EML6: variants seen among roughly 807,000 people sequenced by gnomAD.
EML6 encodes the protein echinoderm microtubule-associated protein-like 6.
EML6 carries 154 observed loss-of-function variants against 240.1 expected under a neutral mutation model. That is an observed-to-expected ratio of 0.64 (90% CI 0.56 to 0.73). EML6 has a LOEUF of 0.73. EML6 is among the 30% of genes least tolerant of loss of function. EML6 has a pLI of 0.00. For missense variants in EML6, 2,964 were observed against 2,474.6 expected (o/e 1.20, Z -4.20); for synonymous variants, 1,148 against 899.0 (o/e 1.28, Z -4.95).
intron 2 of EML6, among the ~76,000 whole-genome samples, chr2:54,740,846 G>T (rs1364016117): frequency 1.3e-5 from 2 of 152,048 alleles, no homozygotes; most frequent in Non-Finnish European, 2.9e-5. Context: ...TATGTGAGGG[G>T]TTGGCCTACT....
At chr2:54,871,712 C>A (rs1184301279) in intron 16 of EML6, 107 bp downstream of exon 16, 6 of 786,954 alleles carry the variant, frequency 7.6e-6, no homozygotes, top group Non-Finnish European at 1.1e-5. Context: ...TTTAAACATG[C>A]TCCCACTTAG....
intron 5 of EML6, among the ~76,000 whole-genome samples, chr2:54,823,886 C>CTCTG (rs1343503884): frequency 6.6e-6 from 1 of 150,908 alleles, no homozygotes; most frequent in Admixed American, 6.6e-5. Context: ...CTTTCTGTCT[C>CTCTG]TCTCTCTCTC....
chr2:54,797,164 C>CAAAAAAAAAAAAAA (rs773498648), intron 2 of EML6, among the ~76,000 whole-genome samples: 7 of 43,830 alleles, frequency 1.6e-4, no homozygotes, highest in Non-Finnish European at 2.0e-4. Flanking sequence ...GACTCCATCT[C>CAAAAAAAAAAAAAA]AAAAAAAAAA....
At chr2:54,954,213 C>A in intron 32 of EML6, 57 bp downstream of exon 32, 1 of 1,481,734 alleles carries the variant, frequency 6.7e-7, no homozygotes, top group South Asian at 1.3e-5. Flanking sequence ...GGTGTCGAGC[C>A]TGTGGGCTCG....
chr2:54,951,347 A>T (rs1340196390), intron 30 of EML6, among the ~76,000 whole-genome samples: 1 of 152,188 alleles, frequency 6.6e-6, no homozygotes, highest in Non-Finnish European at 1.5e-5. Flanking sequence ...AGCCCGGTCA[A>T]CATAGAGAAA....
At chr2:54,744,503 A>G (rs746215523) in intron 2 of EML6, among the ~76,000 whole-genome samples, 3 of 152,114 alleles carry the variant, frequency 2.0e-5, no homozygotes, top group Admixed American at 1.3e-4. Flanking sequence ...GGACTTATAA[A>G]AAAGTAGCAT....
chr2:54,806,785 A>C (rs1670518098), intron 2 of EML6, among the ~76,000 whole-genome samples: 1 of 152,146 alleles, frequency 6.6e-6, no homozygotes. Flanking sequence ...TTAAGTACTC[A>C]TAGTACCTAC....
rs188243943 is a variant in EML6, at chr2:54,819,601, C to T, written c.457-793C>T. The stretch of plus-strand genomic sequence containing the variant: ...GACCAGCCTGACCAACATGGTGAAA[C>T]CCCGTCTCTACTAAAAATAGAAAAA... On this transcript the variant is annotated intron_variant, in intron 4 of 41. Transcript: ENST00000356458. 7.9e-5 allele frequency among the ~76,000 whole-genome samples: 12 copies of T among 152,040 alleles called. No homozygotes were observed. The East Asian group carries it at 2.1e-3, about 27-fold the overall frequency.
At chr2:54,946,966 C>T (rs1465140177) in intron 28 of EML6, among the ~76,000 whole-genome samples, 4 of 151,116 alleles carry the variant, frequency 2.6e-5, no homozygotes, top group African/African-American at 4.9e-5. Flanking sequence ...TATATATATA[C>T]AATCTCCTGT....
chr2:54,930,606 C>G (rs1674803818), intron 28 of EML6, among the ~76,000 whole-genome samples: 1 of 151,762 alleles, frequency 6.6e-6, no homozygotes, highest in Admixed American at 6.6e-5. Flanking sequence ...TAAAAAAATT[C>G]ACACCAGGAT....
chr2:54,899,753 G>A lies in EML6; in HGVS notation c.3095G>A (p.Arg1032His), dbSNP rs761285924. The stretch of plus-strand genomic sequence containing the variant: ...ATCTGGGAACTATCTGCCCAGCACC[G>A]TATGCTGGCAGTACGGAAACTCAAA... ...LRIWELSAQH[R>H]MLAVRKLKKG... The change falls in exon 22 of 42, where the codon CGT becomes CAT. Residue 1032 changes from arginine to histidine, a missense_variant. Physicochemically the swap from Arg to His is conservative, Grantham distance 29 (BLOSUM62 0). Coordinates refer to ENST00000356458, the MANE Select transcript of EML6 (RefSeq NM_001039753.4). The A allele has an allele frequency of 1.2e-5, 18 of 1,551,088 alleles. No homozygotes were observed. The highest frequency in any genetic ancestry group is 2.4e-5 in the East Asian group (1 of 40,908).
chr2:54,888,976 C>G (rs1672309036), intron 17 of EML6, among the ~76,000 whole-genome samples: 1 of 152,216 alleles, frequency 6.6e-6, no homozygotes, highest in Admixed American at 6.5e-5. Flanking sequence ...TGCATTCCCA[C>G]CAGCAATTAA....
At chr2:54,817,809 A>AG (rs1243510416) in intron 4 of EML6, among the ~76,000 whole-genome samples, 3 of 152,066 alleles carry the variant, frequency 2.0e-5, no homozygotes, top group African/African-American at 7.3e-5. Flanking sequence ...AACTCTTAAA[A>AG]AAAAAAAAGT....
chr2:54,896,521 G>A (rs1672776511), intron 21 of EML6, among the ~76,000 whole-genome samples: 1 of 152,190 alleles, frequency 6.6e-6, no homozygotes, highest in South Asian at 2.1e-4. Flanking sequence ...AGGTGCGTTA[G>A]GTAGTCCTGC....
intron 11 of EML6, among the ~76,000 whole-genome samples, chr2:54,857,263 T>C (rs555564790): frequency 2.6e-5 from 4 of 152,096 alleles, no homozygotes; most frequent in Non-Finnish European, 5.9e-5. Flanking sequence ...AGATGTGCAC[T>C]TGGCAGTCAC....
At chr2:54,787,736 C>T (rs1669167306) in intron 2 of EML6, among the ~76,000 whole-genome samples, 1 of 152,144 alleles carries the variant, frequency 6.6e-6, no homozygotes, top group Admixed American at 6.5e-5. Context: ...TCCTTAAGAT[C>T]TCAAATCAGA....
chr2:54,734,871 C>T (rs1683325476), intron 2 of EML6, among the ~76,000 whole-genome samples: 1 of 152,242 alleles, frequency 6.6e-6, no homozygotes, highest in South Asian at 2.1e-4. Context: ...TTGCTTAAGG[C>T]TCCTTATTGC....
Position 54,806,334 on chromosome 2 carries a change from C to T in EML6, c.198-6898C>T, listed in dbSNP as rs117784994. Among the ~76,000 whole-genome samples the T allele has an allele frequency of 2.6e-4, 40 of 152,002 alleles. No homozygotes were observed. In the East Asian group the frequency reaches 5.4e-3, roughly 21 times the overall value. On this transcript the variant is annotated intron_variant, in intron 2 of 41. Coordinates refer to ENST00000356458, the MANE Select transcript of EML6 (RefSeq NM_001039753.4). ...CGGACTTAGAATGTCTGTTCCTGGC[C>T]GGGCGCGGTGGCTCACACTTGTAAT...
intron 26 of EML6, among the ~76,000 whole-genome samples, chr2:54,925,237 A>G (rs1025573168): frequency 6.6e-6 from 1 of 152,188 alleles, no homozygotes; most frequent in Non-Finnish European, 1.5e-5. Context: ...GAAGGCAGCT[A>G]TCTACAAGCC....
Sources: gnomAD v4.1 joint callset for allele counts (sites outside exome capture counted in the v4.1 genomes callset) on GRCh38, gnomAD v4.1.1 for gene constraint, MANE v1.5 for transcripts, NCBI Gene and HGNC (gene_info 2026-07-23, HGNC 2026-07-21) for gene names.